Variants in OR52N4 observed in about 807,000 individuals in gnomAD.
OR52N4 encodes olfactory receptor family 52 subfamily N member 4.
A neutral mutation model predicts 15.0 loss-of-function variants in OR52N4; 15 were observed. The ratio of observed to expected loss-of-function variants is 1.00; its 90% CI spans 0.67 to 1.54. OR52N4 has a LOEUF of 1.54. Among genes scored for constraint, OR52N4 ranks in the 40% most tolerant of loss-of-function variants. OR52N4 has a pLI of 0.00. For synonymous variants in OR52N4, 143 were observed against 143.7 expected, an observed-to-expected ratio of 1.00 and a Z score of 0.03; for missense variants, 421 against 394.0, an observed-to-expected ratio of 1.07 and a Z score of -0.58.
the OR52N4 span, among the ~76,000 whole-genome samples, chr11:5,731,085 G>C: frequency 6.3e-3 from 958 of 152,246 alleles, 8 homozygotes; most frequent in African/African-American, 0.021. Context: ...TCAGTTAATA[G>C]AGAATTTAGT....
chr11:5,754,713 A>G lies in OR52N4; in HGVS notation c.-28A>G. The G allele has an allele frequency of 6.5e-7, 1 of 1,550,276 alleles. No homozygotes were observed. Among genetic ancestry groups the G allele is most frequent in the Non-Finnish European group, 8.7e-7 (1 of 1,150,148 alleles). ...TCTAGGAAAGCCCAGACAAATTTTG[A>G]GCTATTTCATAACCTACCAGACTTA... On this transcript the variant is annotated 5_prime_UTR_variant, in exon 2 of 2. Transcript: ENST00000641350.
the OR52N4 span, chr11:5,737,049 G>A: frequency 3.1e-6 from 5 of 1,614,068 alleles, no homozygotes; most frequent in Non-Finnish European, 4.2e-6. Context: ...CGTGATTATT[G>A]CTCCAAGAAT....
the OR52N4 span, chr11:5,737,353 G>T: frequency 6.2e-7 from 1 of 1,614,070 alleles, no homozygotes. Context: ...AGGCTACTTT[G>T]ATTCCAGTTC....
rs1358178729 is a variant in OR52N4, at chr11:5,755,796, T to G, written c.*90T>G. 1.3e-5 allele frequency: 18 copies of G among 1,424,128 alleles called. 1 individual carries two copies. The Admixed American group carries it at 4.1e-4, about 32-fold the overall frequency. The allele number at this position is 1,424,128 out of a possible 1,614,324, so 88.2% of individuals were successfully genotyped here. A position where few individuals can be genotyped will look rare whatever the true frequency, so the allele number is the denominator to read the frequency against. ...GTTCATAAAATCTTTCTGGAAGCACTGTATTGATCACAAAATGGAGTTTGT... is the reference window on the plus strand; with the variant it reads ...GTTCATAAAATCTTTCTGGAAGCACGGTATTGATCACAAAATGGAGTTTGT... On this transcript the variant is annotated 3_prime_UTR_variant, in exon 2 of 2. Transcript: ENST00000641350.
At chr11:5,737,015 C>G in the OR52N4 span, 12 of 1,613,996 alleles carry the variant, frequency 7.4e-6, no homozygotes, top group Non-Finnish European at 1.0e-5. Flanking sequence ...ATTTGTCACT[C>G]CAGTGCCTGT....
the OR52N4 span, among the ~76,000 whole-genome samples, chr11:5,734,759 C>A: frequency 6.6e-6 from 1 of 152,036 alleles, no homozygotes; most frequent in African/African-American, 2.4e-5. Flanking sequence ...TACTTCCACG[C>A]ATCCAGGATA....
the OR52N4 span, among the ~76,000 whole-genome samples, chr11:5,743,084 G>A: frequency 1.3e-5 from 2 of 152,072 alleles, no homozygotes; most frequent in African/African-American, 2.4e-5. Flanking sequence ...GCAAGCAGGA[G>A]TAGTTAGCTA....
chr11:5,750,039 T>C (rs147496798), upstream of OR52N4, among the ~76,000 whole-genome samples: 1 of 152,074 alleles, frequency 6.6e-6, no homozygotes, highest in African/African-American at 2.4e-5. Flanking sequence ...CCTAAATTGT[T>C]GTGTAAGCAT....
chr11:5,749,098 G>A, the OR52N4 span, among the ~76,000 whole-genome samples: 1 of 150,824 alleles, frequency 6.6e-6, no homozygotes, highest in Non-Finnish European at 1.5e-5. Context: ...GGAATTTATA[G>A]GCTGATAGCT....
At chr11:5,737,787 A>G in the OR52N4 span, 2 of 253,092 alleles carry the variant, frequency 7.9e-6, no homozygotes, top group Non-Finnish European at 7.7e-6. Flanking sequence ...ATAATCACAC[A>G]CCCACAAATA....
the OR52N4 span, among the ~76,000 whole-genome samples, chr11:5,748,506 G>T: frequency 6.6e-6 from 1 of 151,108 alleles, no homozygotes; most frequent in Non-Finnish European, 1.5e-5. Context: ...TTAAACTTTT[G>T]ATTACATTTT....
chr11:5,747,653 A>G, the OR52N4 span, among the ~76,000 whole-genome samples: 29 of 152,034 alleles, frequency 1.9e-4, no homozygotes, highest in African/African-American at 6.8e-4. Flanking sequence ...GTGAATATAT[A>G]CTGAGCCTAT....
At chr11:5,744,249 G>A in the OR52N4 span, among the ~76,000 whole-genome samples, 5 of 152,102 alleles carry the variant, frequency 3.3e-5, no homozygotes, top group Admixed American at 3.3e-4. Context: ...TAGGACCAGA[G>A]GCATTCACAA....
the OR52N4 span, among the ~76,000 whole-genome samples, chr11:5,733,003 C>G: frequency 6.6e-6 from 1 of 152,088 alleles, no homozygotes; most frequent in Non-Finnish European, 1.5e-5. Context: ...AAATTTACAT[C>G]CAGTATAACT....
the OR52N4 span, among the ~76,000 whole-genome samples, chr11:5,730,354 G>C: frequency 2.6e-5 from 4 of 151,818 alleles, no homozygotes; most frequent in Non-Finnish European, 4.4e-5. Context: ...ACCATGCCTG[G>C]CTAATTTTTT....
the OR52N4 span, chr11:5,737,340 T>C: frequency 3.7e-6 from 6 of 1,614,154 alleles, no homozygotes; most frequent in Admixed American, 3.3e-5. Flanking sequence ...CTGACAGAGA[T>C]GAAGGCTACT....
chr11:5,752,607 A>G (rs145502336), upstream of OR52N4, among the ~76,000 whole-genome samples: 1 of 152,290 alleles, frequency 6.6e-6, no homozygotes, highest in African/African-American at 2.4e-5. Flanking sequence ...GTTTTAACAT[A>G]TTACGTCCTT....
upstream of OR52N4, among the ~76,000 whole-genome samples, chr11:5,750,663 A>G (rs10769203): frequency 0.5 from 75,226 of 151,326 alleles, 18,986 homozygotes; most frequent in Middle Eastern, 0.57. Context: ...AATGAGGTAT[A>G]TGTAAAAAAT....
rs1190719201 is a variant in OR52N4 at position 5,755,738 on chromosome 11, A to C, written c.*32A>C. 4 of 1,591,150 alleles carry C rather than the reference A, an allele frequency of 2.5e-6. No homozygotes were observed. The African/African-American group carries it at 5.4e-5, about 21-fold the overall frequency. On this transcript the variant is annotated 3_prime_UTR_variant, in exon 2 of 2. Transcript: ENST00000641350. The stretch of plus-strand genomic sequence containing the variant: ...ACTTGCCAGGAGTGAGAAGAGAAGG[A>C]AAGAATTACTTCTATTTGCCTCTTA...
Sources: gnomAD v4.1 joint callset for allele counts (sites outside exome capture counted in the v4.1 genomes callset) on GRCh38, gnomAD v4.1.1 for gene constraint, MANE v1.5 for transcripts, NCBI Gene and HGNC (gene_info 2026-07-23, HGNC 2026-07-21) for gene names.